Variants in CACNA1C observed in about 807,000 individuals in gnomAD.
CACNA1C encodes the protein calcium voltage-gated channel subunit alpha1 C, also known as voltage-dependent L-type calcium channel subunit alpha-1C.
Under a neutral mutation model 229.0 loss-of-function variants are expected in CACNA1C, and 30 were observed. The ratio of observed to expected loss-of-function variants is 0.13; its 90% confidence interval spans 0.10 to 0.18. The LOEUF is 0.18. CACNA1C is among the 10% of genes least tolerant of loss of function. CACNA1C has a pLI of 1.00. For synonymous variants in CACNA1C, 1,114 were observed against 1,132.5 expected (o/e 0.98, Z 0.33); for missense variants, 1,658 against 2,845.0 (o/e 0.58, Z 9.49).
chr12:2,424,317 A>C (rs2099007917), intron 3 of CACNA1C, among the ~76,000 whole-genome samples: 1 of 152,164 alleles, frequency 6.6e-6, no homozygotes, highest in South Asian at 2.1e-4. Flanking sequence ...TCCAGAGAAG[A>C]GGCAGAAAGA....
rs115121606 is a variant in CACNA1C at position 2,395,778 on chromosome 12, C to T, written c.478-53198C>T. Among the ~76,000 whole-genome samples the T allele has an allele frequency of 4.5e-3, 690 of 152,262 alleles. 5 individuals carry two copies. Among genetic ancestry groups the T allele is most frequent in the African/African-American group, 0.016 (657 of 41,542 alleles). ...ACCCTATGATCTGAGAAAAGGTAGC[C>T]GAACCCCCGACTTTCTCTTTTGCAT... On this transcript the variant is annotated intron_variant, in intron 3 of 46. Transcript: ENST00000399655.
chr12:2,128,088 G>C (rs923061772), intron 3 of CACNA1C, among the ~76,000 whole-genome samples: 2 of 152,156 alleles, frequency 1.3e-5, no homozygotes, highest in Non-Finnish European at 2.9e-5. Flanking sequence ...TGAACCCTGG[G>C]TGAATGAATG....
chr12:2,276,219 T>G (rs34665347), intron 3 of CACNA1C, among the ~76,000 whole-genome samples: 10,305 of 152,274 alleles, frequency 0.068, 501 homozygotes, highest in African/African-American at 0.13. Flanking sequence ...GTTGGTTGGC[T>G]CCAGGTCTGG....
chr12:2,461,879 G>T (rs1020420932), intron 5 of CACNA1C, among the ~76,000 whole-genome samples: 8 of 152,172 alleles, frequency 5.3e-5, no homozygotes, highest in African/African-American at 1.9e-4. Context: ...ACAGCCTCCT[G>T]CAGGAGTCTC....
intron 3 of CACNA1C, among the ~76,000 whole-genome samples, chr12:2,241,648 C>T (rs754915202): frequency 3.3e-5 from 5 of 152,162 alleles, no homozygotes; most frequent in Admixed American, 6.5e-5. Flanking sequence ...TTTAACCTCA[C>T]GCCTTGACTA....
At chr12:2,243,662 G>A (rs1391536889) in intron 3 of CACNA1C, among the ~76,000 whole-genome samples, 2 of 152,184 alleles carry the variant, frequency 1.3e-5, no homozygotes, top group East Asian at 3.8e-4. Flanking sequence ...CCTATATAAT[G>A]GGATAATAGT....
In CACNA1C at chr12:2,651,652, A is replaced by G; in HGVS notation, c.3958A>G (p.Asn1320Asp). ...QCSPSMNAEENSRISITFFRL... is the reference protein window; with the variant it reads ...QCSPSMNAEEDSRISITFFRL... ...CGACGGGTTCCAGAACGCAGAGGAA[A>G]ACTCCCGCATCTCCATCACCTTCTT... Residue 1320 changes from asparagine (N) to aspartate (D), a missense_variant, in exon 32 of 47, where the codon AAC becomes GAC. Transcript: ENST00000399655. This position sits in a 1 kb window ranked among gnomAD's most constrained non-coding sequence, Gnocchi z 5.4. The G allele has an allele frequency of 6.2e-7, 1 of 1,613,664 alleles. No individual in the cohort carries two copies. The highest frequency in any genetic ancestry group is 8.5e-7 in the Non-Finnish European group (1 of 1,179,782).
In CACNA1C at chr12:2,679,670, C is replaced by T; in HGVS notation, c.5318C>T (p.Thr1773Ile). The T allele has an allele frequency of 6.2e-7, 1 of 1,613,750 alleles. No individual in the cohort carries two copies. ...GCCAACATCAACAACGCCAACAACA[C>T]CGCCCTGGGTCGCCTCCCTCGCCCC... ...SNANINNANN[T>I]ALGRLPRPAG... Residue 1773 changes from threonine (T) to isoleucine (I), a missense_variant, in exon 42 of 47, where the codon ACC (threonine) becomes ATC (isoleucine). Physicochemically the swap from Thr to Ile is moderately conservative, Grantham distance 89. Around this residue, in one of 20 missense-constraint regions of CACNA1C, gnomAD observed 590 missense variants for 700.8 expected, o/e 0.84. Coordinates refer to ENST00000399655, the MANE Select transcript of CACNA1C (RefSeq NM_000719.7). The surrounding 1 kb of genome is among the most constrained non-coding windows in gnomAD (Gnocchi z 5.5).
At chr12:2,139,786 A>T (rs1037046133) in intron 3 of CACNA1C, among the ~76,000 whole-genome samples, 17 of 151,280 alleles carry the variant, frequency 1.1e-4, no homozygotes, top group African/African-American at 4.1e-4. Context: ...GGCCTCAGAC[A>T]TGCGCCCTAA....
At chr12:2,515,852 G>T (rs770848647) in intron 9 of CACNA1C, among the ~76,000 whole-genome samples, 1 of 152,190 alleles carries the variant, frequency 6.6e-6, no homozygotes, top group Admixed American at 6.6e-5. Flanking sequence ...GAAGTGGCCC[G>T]TAAGTTATAT....
intron 1 of CACNA1C, among the ~76,000 whole-genome samples, chr12:2,058,031 G>A (rs371462314): frequency 2.9e-4 from 44 of 152,334 alleles, no homozygotes; most frequent in African/African-American, 9.6e-4. Context: ...TGGCAGAAAA[G>A]CTCAGGAGAC....
chr12:2,416,784 C>G (rs191940909), intron 3 of CACNA1C, among the ~76,000 whole-genome samples: 32 of 152,300 alleles, frequency 2.1e-4, no homozygotes, highest in Admixed American at 5.9e-4. Flanking sequence ...AATTTCACTT[C>G]GTTTTCATCA....
intron 3 of CACNA1C, among the ~76,000 whole-genome samples, chr12:2,169,821 G>A (rs1463773769): frequency 6.6e-6 from 1 of 152,216 alleles, no homozygotes; most frequent in East Asian, 1.9e-4. Flanking sequence ...TAACTCATAT[G>A]TGTTACAGCA....
intron 3 of CACNA1C, among the ~76,000 whole-genome samples, chr12:2,358,645 C>T (rs1266399145): frequency 3.3e-5 from 5 of 152,176 alleles, no homozygotes; most frequent in Non-Finnish European, 5.9e-5. Flanking sequence ...TTTCTAAGTG[C>T]ACTAGGCTTT....
At chr12:2,219,663 T>C (rs1030258287) in intron 3 of CACNA1C, among the ~76,000 whole-genome samples, 1 of 152,184 alleles carries the variant, frequency 6.6e-6, no homozygotes, top group Non-Finnish European at 1.5e-5. Context: ...TCCTTGGTGA[T>C]GATGTGAATT....
At chr12:2,299,384 A>G (rs905205884) in intron 3 of CACNA1C, among the ~76,000 whole-genome samples, 1 of 152,130 alleles carries the variant, frequency 6.6e-6, no homozygotes, top group Non-Finnish European at 1.5e-5. Context: ...GGAGGCAGGT[A>G]GGAGGGAGGG....
At chr12:2,162,384 G>A (rs1367731120) in intron 3 of CACNA1C, among the ~76,000 whole-genome samples, 5 of 151,854 alleles carry the variant, frequency 3.3e-5, no homozygotes, top group South Asian at 2.1e-4. Flanking sequence ...AGTCTGCCCC[G>A]TTTGCCTTCC....
intron 1 of CACNA1C, among the ~76,000 whole-genome samples, chr12:2,075,623 G>T (rs2062901675): frequency 6.6e-6 from 1 of 152,192 alleles, no homozygotes; most frequent in Non-Finnish European, 1.5e-5. Flanking sequence ...GATCTTTCTT[G>T]CTTGCTTAAA....
At chr12:2,680,950 C>T (rs2097115742) in intron 42 of CACNA1C, among the ~76,000 whole-genome samples, 1 of 152,208 alleles carries the variant, frequency 6.6e-6, no homozygotes, top group African/African-American at 2.4e-5. Flanking sequence ...GCTGGCTTTG[C>T]ATAGGAGAGG....
Sources: gnomAD v4.1 joint callset for allele counts (sites outside exome capture counted in the v4.1 genomes callset) on GRCh38, gnomAD v4.1.1 for gene constraint, gnomAD v4.1.1 regional missense constraint, Gnocchi (gnomAD v3.1) non-coding constraint, MANE v1.5 for transcripts, NCBI Gene and HGNC (gene_info 2026-07-23, HGNC 2026-07-21) for gene names.